INVS: variants seen among roughly 807,000 people sequenced by gnomAD.
The protein encoded by INVS is inversin.
In INVS, 86 loss-of-function variants were observed where a neutral mutation model predicts 108.8. The ratio of observed to expected loss-of-function variants is 0.79; its 90% confidence interval spans 0.66 to 0.95. The LOEUF (loss-of-function observed/expected upper bound fraction) is 0.95, where lower values mean the gene tolerates loss of function less well. INVS is among the 40% of genes least tolerant of loss of function. INVS has a pLI of 0.00. For synonymous variants in INVS, 455 were observed against 473.5 expected (o/e 0.96, Z 0.51); for missense variants, 1,169 against 1,297.4 (o/e 0.90, Z 1.52).
Position 100,253,045 on chromosome 9 carries a change from C to G in INVS, c.1373C>G (p.Thr458Ser), listed in dbSNP as rs745648344. The G allele has an allele frequency of 1.7e-5, 28 of 1,613,842 alleles. No homozygotes were observed. The highest frequency in any genetic ancestry group is 8.3e-5 in the Admixed American group (5 of 59,982). ...NPNVQDYAGRTPLQCAAYGGY... is the reference protein window; with the variant it reads ...NPNVQDYAGRSPLQCAAYGGY... Reference sequence around the variant, plus strand: ...AATGTCCAGGATTATGCAGGAAGAACCCCTTTGCAGTGTGCAGCATATGGA... The same window carrying G: ...AATGTCCAGGATTATGCAGGAAGAAGCCCTTTGCAGTGTGCAGCATATGGA... Residue 458 changes from threonine to serine, a missense_variant, in exon 10 of 17, where the codon ACC (threonine) becomes AGC (serine). Physicochemically the swap from Thr to Ser is moderately conservative, Grantham distance 58. Around this residue, in one of 3 missense-constraint regions of INVS, gnomAD observed 271 missense variants for 363.8 expected, o/e 0.74. Coordinates refer to ENST00000262457, the MANE Select transcript of INVS (RefSeq NM_014425.5).
chr9:100,100,826 TG>T lies in INVS; in HGVS notation c.-25+1411del, dbSNP rs1266964758. On this transcript the variant is annotated intron_variant, in intron 1 of 16. Transcript: ENST00000262457. ...ATGTATATATAATATATATAATATA[TG>T]TATATATAATATATATATAATATAT... Among the ~76,000 whole-genome samples, 37 of 33,574 alleles carry T rather than the reference TG, an allele frequency of 1.1e-3. 8 individuals are homozygous for T. Among genetic ancestry groups the T allele is most frequent in the South Asian group, 3.6e-3 (3 of 822 alleles). The allele number at this position is 33,574 out of a possible 152,430, so 22.0% of individuals were successfully genotyped here. A position where few individuals can be genotyped will look rare whatever the true frequency, so the allele number is the denominator to read the frequency against.
chr9:100,255,012 T>C (rs1377056582), intron 10 of INVS, among the ~76,000 whole-genome samples: 1 of 152,216 alleles, frequency 6.6e-6, no homozygotes, highest in Non-Finnish European at 1.5e-5. Context: ...TTGGGCAATA[T>C]GGCCATTTTC....
intron 12 of INVS, among the ~76,000 whole-genome samples, chr9:100,279,293 G>GT (rs1379482656): frequency 1.3e-5 from 2 of 152,160 alleles, no homozygotes; most frequent in African/African-American, 4.8e-5. Flanking sequence ...CACACAGCTA[G>GT]TAAGGAAGAG....
At chr9:100,224,064 C>CA (rs933178381) in intron 3 of INVS, among the ~76,000 whole-genome samples, 5 of 152,180 alleles carry the variant, frequency 3.3e-5, no homozygotes, top group South Asian at 4.2e-4. Context: ...AAAAAACACG[C>CA]AAAAAAATCT....
At chr9:100,227,761 C>G (rs1831378268) in intron 4 of INVS, among the ~76,000 whole-genome samples, 1 of 151,194 alleles carries the variant, frequency 6.6e-6, no homozygotes, top group South Asian at 2.1e-4. Context: ...GCCATCATAA[C>G]CTTACACAAA....
intron 5 of INVS, among the ~76,000 whole-genome samples, chr9:100,230,190 A>G (rs1185788563): frequency 6.6e-6 from 1 of 152,234 alleles, no homozygotes; most frequent in East Asian, 1.9e-4. Flanking sequence ...GTAAAGTATA[A>G]ATAATAATGA....
At chr9:100,163,721 G>C (rs1564139934) in intron 3 of INVS, among the ~76,000 whole-genome samples, 2 of 152,188 alleles carry the variant, frequency 1.3e-5, no homozygotes, top group Admixed American at 6.5e-5. Flanking sequence ...TAAAGATTAT[G>C]AAGGAACAAA....
intron 3 of INVS, among the ~76,000 whole-genome samples, chr9:100,142,518 G>A (rs1298815998): frequency 6.6e-6 from 1 of 152,184 alleles, no homozygotes; most frequent in Non-Finnish European, 1.5e-5. Flanking sequence ...AGGTGGATCA[G>A]AGAGATACAG....
chr9:100,269,152 T>C (rs1832875746), intron 11 of INVS, among the ~76,000 whole-genome samples: 1 of 152,228 alleles, frequency 6.6e-6, no homozygotes, highest in South Asian at 2.1e-4. Context: ...ACATGTTATC[T>C]TAGTTCTAGT....
Position 100,292,364 on chromosome 9 carries a change from G to A in INVS, c.2107G>A (p.Val703Ile), listed in dbSNP as rs1564193132. The part of the protein sequence containing the change: ...REHSKGQSAC[V>I]HFRPNEGSDG... ...ACATTCTAAAGGCCAATCTGCTTGTGTCCACTTCAGACCCAATGAAGGCAG... is the reference window on the plus strand; with the variant it reads ...ACATTCTAAAGGCCAATCTGCTTGTATCCACTTCAGACCCAATGAAGGCAG... Residue 703 changes from valine (V) to isoleucine (I), a missense_variant, in exon 14 of 17, where the codon GTC (valine) becomes ATC (isoleucine). This residue lies in a region of INVS where 533 missense variants were observed against 536.0 expected (regional missense o/e 0.99). Coordinates refer to ENST00000262457, the MANE Select transcript of INVS (RefSeq NM_014425.5). 2 of 1,614,188 alleles carry A rather than the reference G, an allele frequency of 1.2e-6. No individual in the cohort carries two copies. Among genetic ancestry groups the A allele is most frequent in the East Asian group, 2.2e-5 (1 of 44,886 alleles).
chr9:100,247,921 G>A (rs1176127105), intron 8 of INVS, among the ~76,000 whole-genome samples: 2 of 152,066 alleles, frequency 1.3e-5, no homozygotes, highest in African/African-American at 2.4e-5. Flanking sequence ...CAAGTCTCCT[G>A]CCTCAGCCTC....
At chr9:100,238,225 A>G (rs1831752688) in intron 5 of INVS, among the ~76,000 whole-genome samples, 1 of 152,120 alleles carries the variant, frequency 6.6e-6, no homozygotes. Context: ...TGAAAAAAAA[A>G]TGATTATCCT....
In INVS at chr9:100,100,966, A is replaced by T. The variant is rs1310400329; in HGVS notation, c.-25+1550A>T. 2.3e-3 allele frequency among the ~76,000 whole-genome samples: 43 copies of T among 18,580 alleles called. 1 individual carries two copies. The East Asian group carries it at 0.067, about 29-fold the overall frequency. The allele number at this position is 18,580 out of a possible 152,430, so 12.2% of individuals were successfully genotyped here. On this transcript the variant is annotated intron_variant, in intron 1 of 16. Coordinates refer to ENST00000262457, the MANE Select transcript of INVS (RefSeq NM_014425.5). ...TATATACATATATATTATATATATA[A>T]TATATATTATATATATAATATATAT...
intron 3 of INVS, among the ~76,000 whole-genome samples, chr9:100,190,471 C>G (rs1485530209): frequency 3.9e-5 from 6 of 152,146 alleles, no homozygotes; most frequent in African/African-American, 1.4e-4. Flanking sequence ...GAGTTTTATG[C>G]TTTCAAGATG....
In INVS at chr9:100,100,614, A is replaced by T. The variant is rs866876598; in HGVS notation, c.-25+1198A>T. Among the ~76,000 whole-genome samples the T allele has an allele frequency of 5.5e-4, 38 of 69,234 alleles. 1 individual carries two copies. Among genetic ancestry groups the T allele is most frequent in the African/African-American group, 1.2e-3 (18 of 15,570 alleles). 45.4% of individuals were successfully genotyped at this position (69,234 alleles called of 152,430 possible). A position where few individuals can be genotyped will look rare whatever the true frequency, so the allele number is the denominator to read the frequency against. ...AATATATGTACATATAATATATATA[A>T]TATATGTATATATAATATATATATT... On this transcript the variant is annotated intron_variant, in intron 1 of 16. Coordinates refer to ENST00000262457, the MANE Select transcript of INVS (RefSeq NM_014425.5).
intron 3 of INVS, among the ~76,000 whole-genome samples, chr9:100,127,485 A>G (rs1827923161): frequency 6.6e-6 from 1 of 152,126 alleles, no homozygotes; most frequent in Non-Finnish European, 1.5e-5. Flanking sequence ...TGGTCCATAA[A>G]ATAGATTTCC....
chr9:100,271,449 A>G (rs576724137), intron 11 of INVS, among the ~76,000 whole-genome samples: 3 of 152,348 alleles, frequency 2.0e-5, no homozygotes, highest in South Asian at 2.1e-4. Context: ...CTGTACTTCT[A>G]TGAGTAGCCT....
At chr9:100,250,499 T>A (rs1207724539) in intron 8 of INVS, among the ~76,000 whole-genome samples, 2 of 152,112 alleles carry the variant, frequency 1.3e-5, no homozygotes, top group Non-Finnish European at 2.9e-5. Context: ...TTCAGTCATT[T>A]AGGTCAGTGG....
intron 3 of INVS, among the ~76,000 whole-genome samples, chr9:100,202,628 C>G (rs1288434000): frequency 2.6e-5 from 4 of 152,198 alleles, no homozygotes; most frequent in Non-Finnish European, 4.4e-5. Flanking sequence ...CTTTAACCTT[C>G]CATGTCACAC....
Sources: allele counts gnomAD v4.1 joint callset (sites outside exome capture counted in the v4.1 genomes callset), GRCh38; gene constraint gnomAD v4.1.1; regional missense constraint gnomAD v4.1.1; transcripts MANE v1.5; gene names NCBI Gene and HGNC (gene_info 2026-07-23, HGNC 2026-07-21).